Variants in TAF1 observed in about 807,000 individuals in gnomAD.
The protein encoded by TAF1 is transcription initiation factor TFIID subunit 1.
TAF1 carries 2 observed loss-of-function variants against 138.5 expected under a neutral mutation model. The ratio of observed to expected loss-of-function variants is 0.01; its 90% CI spans 0.01 to 0.05. The LOEUF (loss-of-function observed/expected upper bound fraction) is 0.05, where lower values mean the gene tolerates loss of function less well. Among genes scored for constraint, TAF1 ranks in the 10% least tolerant of loss-of-function variants. The pLI, the probability that TAF1 is intolerant of heterozygous loss-of-function variation, is 1.00. For missense variants in TAF1, 709 were observed against 1,478.0 expected, an observed-to-expected ratio of 0.48 and a Z score of 8.53; for synonymous variants, 437 against 503.2, an observed-to-expected ratio of 0.87 and a Z score of 1.76.
At chrX:71,524,756 C>CA (rs1323584444) in intron 13 of TAF1, among the ~76,000 whole-genome samples, 2 of 109,308 alleles carry the variant, frequency 1.8e-5, no homozygotes, top group African/African-American at 6.7e-5. Flanking sequence ...GCCTGGCCAA[C>CA]ATGGTGAAAC....
intron 32 of TAF1, among the ~76,000 whole-genome samples, chrX:71,434,792 T>C (rs2037059514): frequency 8.9e-6 from 1 of 112,278 alleles, no homozygotes; most frequent in Non-Finnish European, 1.9e-5. Flanking sequence ...CCCACAACTT[T>C]AAGTGGTTGG....
intron 13 of TAF1, among the ~76,000 whole-genome samples, chrX:71,490,662 CAT>C (rs768548795): frequency 1.8e-5 from 2 of 111,045 alleles, no homozygotes; most frequent in Non-Finnish European, 3.8e-5. Flanking sequence ...AAAACAGACA[CAT>C]AGACCAATGG....
intron 13 of TAF1, among the ~76,000 whole-genome samples, chrX:71,513,794 T>C (rs897848699): frequency 1.8e-5 from 2 of 111,210 alleles, no homozygotes; most frequent in Non-Finnish European, 3.8e-5. Context: ...ACTTCCTGGG[T>C]TGAGTGGGGA....
chrX:71,526,167 T>C (rs1263473644), intron 13 of TAF1, among the ~76,000 whole-genome samples: 1 of 111,570 alleles, frequency 9.0e-6, no homozygotes, highest in Non-Finnish European at 1.9e-5. Flanking sequence ...TTCAAATCAA[T>C]TCAAACTTTA....
chrX:71,421,522 A>G (rs2036343294), intron 29 of TAF1, 146 bp downstream of exon 29: 2 of 476,509 alleles, frequency 4.2e-6, no homozygotes, highest in Admixed American at 3.7e-5. Flanking sequence ...GAAGGGACTT[A>G]TAGAACTCAT....
rs146690894 is a variant in TAF1 at position 71,507,584 on chromosome X, A to G, written c.1367-20958A>G. ...CAAATGCATAGAGGAAGCTGACACT[A>G]CAAGTGTGTGCCACCAAGCCCAGCT... On this transcript the variant is annotated intron_variant and NMD_transcript_variant, in intron 13 of 14. Transcript: ENST00000373775. 3.2e-3 allele frequency among the ~76,000 whole-genome samples: 351 copies of G among 110,078 alleles called. 1 individual carries two copies. The highest frequency in any genetic ancestry group is 9.2e-3 in the Middle Eastern group (2 of 217).
chrX:71,410,721 T>A (rs2035740022), intron 28 of TAF1, among the ~76,000 whole-genome samples: 1 of 110,841 alleles, frequency 9.0e-6, no homozygotes, highest in South Asian at 3.8e-4. Context: ...CCTCCCAAAG[T>A]GCTGGGATTA....
chrX:71,515,323 T>C (rs974746210), intron 13 of TAF1, among the ~76,000 whole-genome samples: 5 of 111,777 alleles, frequency 4.5e-5, no homozygotes, highest in African/African-American at 6.5e-5. Flanking sequence ...TTATGCTCTT[T>C]AATGTCCCAG....
Position 71,407,663 on chromosome X carries a change from T to G in TAF1, c.4197T>G (p.Asp1399Glu), listed in dbSNP as rs2148485581. The G allele has an allele frequency of 1.7e-6, 2 of 1,208,808 alleles. No homozygotes were observed. Residue 1399 changes from aspartate (D) to glutamate (E), a missense_variant, in exon 27 of 38, where the codon GAT (aspartate) becomes GAG (glutamate). Physicochemically the swap from Asp to Glu is conservative, Grantham distance 45. Around this residue, in one of 14 missense-constraint regions of TAF1, gnomAD observed 63 missense variants for 163.3 expected, o/e 0.39. Coordinates refer to ENST00000423759, the MANE Select transcript of TAF1 (RefSeq NM_004606.5). ...ILESIINDMR[D>E]LPNTYPFHTP... ...AGTCTATCATCAATGACATGAGAGA[T>G]CTTCCAAATGTGAGTTCATTGCATT...
chrX:71,423,279 G>A (rs376354743), intron 30 of TAF1, 40 bp downstream of exon 30: 37 of 1,207,207 alleles, frequency 3.1e-5, no homozygotes, highest in Middle Eastern at 2.3e-4. Context: ...GGATCGTGCA[G>A]GGGAAAGGAA....
intron 13 of TAF1, among the ~76,000 whole-genome samples, chrX:71,474,267 G>A (rs1481258910): frequency 8.9e-6 from 1 of 111,977 alleles, no homozygotes; most frequent in Non-Finnish European, 1.9e-5. Context: ...CGCAGGTGAA[G>A]GATGTGATTA....
intron 20 of TAF1, 71 bp from the exon 21 acceptor site, chrX:71,393,223 TTTGTGTG>T: frequency 9.1e-7 from 1 of 1,097,175 alleles, no homozygotes; most frequent in Non-Finnish European, 1.2e-6. Context: ...CCCTGAATGA[TTTGTGTG>T]TGTGTGTGTG....
chrX:71,425,254 T>C lies in TAF1; in HGVS notation c.4753+1016T>C, dbSNP rs1231963219. Among the ~76,000 whole-genome samples the C allele has an allele frequency of 3.6e-5, 4 of 111,486 alleles. No individual in the cohort carries two copies. In the Admixed American group the frequency reaches 3.8e-4, roughly 11 times the overall value. On this transcript the variant is annotated intron_variant, in intron 32 of 37. Coordinates refer to ENST00000423759, the MANE Select transcript of TAF1 (RefSeq NM_004606.5). Reference sequence around the variant, plus strand: ...ATTGAATAACATATGCCAGGCCCTGTGCTAGCTGCTTAATCTACTGATAAG... The same window carrying C: ...ATTGAATAACATATGCCAGGCCCTGCGCTAGCTGCTTAATCTACTGATAAG...
chrX:71,510,115 T>C (rs2039704851), intron 13 of TAF1, among the ~76,000 whole-genome samples: 1 of 111,091 alleles, frequency 9.0e-6, no homozygotes, highest in Admixed American at 9.7e-5. Context: ...TGAACCATGA[T>C]CATGCCATTG....
chrX:71,400,057 A>G (rs1347118155), intron 24 of TAF1, among the ~76,000 whole-genome samples: 1 of 106,982 alleles, frequency 9.3e-6, no homozygotes, highest in Non-Finnish European at 1.9e-5. Flanking sequence ...AATATTTTCT[A>G]GGAGTTGAGA....
chrX:71,370,054 G>T (rs2032927858), intron 3 of TAF1, among the ~76,000 whole-genome samples: 1 of 110,023 alleles, frequency 9.1e-6, no homozygotes, highest in Non-Finnish European at 1.9e-5. Flanking sequence ...GAGAAACCCC[G>T]TCTCTACTAA....
intron 20 of TAF1, 72 bp downstream of exon 20, chrX:71,393,066 T>C: frequency 2.6e-6 from 3 of 1,154,850 alleles, no homozygotes; most frequent in East Asian, 3.0e-5. Context: ...AGGAGGCAGA[T>C]GTAAAGAACT....
Position 71,464,718 on chromosome X carries a change from AT to A in TAF1, c.*675del. On this transcript the variant is annotated 3_prime_UTR_variant, in exon 38 of 38. Transcript: ENST00000423759. ...GAGATTCAGTCTCAAAAAAAAAAAA[AT>A]TTCCAAGCATGGTATCATCTCACTT... 8.5e-6 allele frequency: 1 copy of A among 117,294 alleles called. No homozygotes were observed. The allele number at this position is 117,294 out of a possible 1,213,427, so 9.7% of individuals were successfully genotyped here. A position where few individuals can be genotyped will look rare whatever the true frequency, so the allele number is the denominator to read the frequency against.
chrX:71,466,268 A>G (rs1336285335), downstream of TAF1: 1 of 111,393 alleles, frequency 9.0e-6, no homozygotes, highest in East Asian at 2.8e-4. Flanking sequence ...GTTTTTTTAG[A>G]TGGAGTCTCC....
Sources: gnomAD v4.1 joint callset for allele counts (sites outside exome capture counted in the v4.1 genomes callset) on GRCh38, gnomAD v4.1.1 for gene constraint, gnomAD v4.1.1 regional missense constraint, MANE v1.5 for transcripts, NCBI Gene and HGNC (gene_info 2026-07-23, HGNC 2026-07-21) for gene names.